DEXI: variants seen among roughly 807,000 people sequenced by gnomAD.
The protein encoded by DEXI is dexamethasone-induced protein.
DEXI carries 2 observed loss-of-function variants against 2.5 expected under a neutral mutation model. The observed-to-expected ratio is 0.81, with a 90% CI of 0.33 to 2.55. The LOEUF (loss-of-function observed/expected upper bound fraction) is 2.55. Among genes scored for constraint, DEXI ranks in the 30% most tolerant of loss-of-function variants. The pLI, the probability that DEXI is intolerant of heterozygous loss-of-function variation, is 0.11. For synonymous variants in DEXI, 71 were observed against 68.7 expected (o/e 1.03, Z -0.17); for missense variants, 108 against 130.3 (o/e 0.83, Z 0.83).
At chr16:10,935,126 C>G (rs539345627) in intron 1 of DEXI, 78 of 152,320 alleles carry the variant, frequency 5.1e-4, no homozygotes, top group African/African-American at 1.7e-3. Context: ...AGAAGGAAAC[C>G]GAGGCTTAGG....
Position 10,941,490 on chromosome 16 carries a change from T to C in DEXI, c.*149+79A>G. The C allele has an allele frequency of 7.6e-7, 1 of 1,317,660 alleles. No individual in the cohort carries two copies. Among genetic ancestry groups the C allele is most frequent in the Non-Finnish European group, 9.8e-7 (1 of 1,017,932 alleles). 81.6% of individuals were successfully genotyped at this position (1,317,660 alleles called of 1,614,324 possible). A position where few individuals can be genotyped will look rare whatever the true frequency, so the allele number is the denominator to read the frequency against. ...GGAGGAGAAGCCTGAGGGAGGGGTG[T>C]GTATCCGGCCTGGGAATTCCTCCCT... is the stretch of plus-strand genomic sequence containing the variant. On this transcript the variant is annotated intron_variant, in intron 1 of 1. Transcript: ENST00000331808. This position sits in a 1 kb window ranked among gnomAD's most constrained non-coding sequence, Gnocchi z 6.4.
intron 1 of DEXI, chr16:10,936,974 G>A (rs1475395577): frequency 6.6e-6 from 1 of 152,214 alleles, no homozygotes; most frequent in Non-Finnish European, 1.5e-5. Context: ...CACTTTCTTA[G>A]TTCGGCAAAA....
rs1183670814 is a variant in DEXI, at chr16:10,940,353, TG to T, written c.*149+1215del. The stretch of plus-strand genomic sequence containing the variant: ...TTAAGTCCCCCAGCCTATGGTGTTC[TG>T]TTATAGCAGACTGAACTAAGACACC... On this transcript the variant is annotated intron_variant, in intron 1 of 1. Coordinates refer to ENST00000331808, the MANE Select transcript of DEXI (RefSeq NM_014015.4). This position sits in a 1 kb window ranked among gnomAD's most constrained non-coding sequence, Gnocchi z 4.2. 1 of 152,262 alleles carries T rather than the reference TG, an allele frequency of 6.6e-6. No homozygotes were observed. The highest frequency in any genetic ancestry group is 1.5e-5 in the Non-Finnish European group (1 of 68,050). The allele number at this position is 152,262 out of a possible 1,614,324, so 9.4% of individuals were successfully genotyped here. A position where few individuals can be genotyped will look rare whatever the true frequency, so the allele number is the denominator to read the frequency against.
chr16:10,934,274 A>T lies in DEXI; in HGVS notation c.*150-4715T>A, dbSNP rs1245036389. The T allele has an allele frequency of 6.6e-6, 1 of 152,204 alleles. No homozygotes were observed. Among genetic ancestry groups the T allele is most frequent in the Non-Finnish European group, 1.5e-5 (1 of 68,050 alleles). 9.4% of individuals were successfully genotyped at this position (152,204 alleles called of 1,614,324 possible). On this transcript the variant is annotated intron_variant, in intron 1 of 1. Coordinates refer to ENST00000331808, the MANE Select transcript of DEXI (RefSeq NM_014015.4). The surrounding 1 kb of genome is among the most constrained non-coding windows in gnomAD (Gnocchi z 4.2). ...AAACCAATGTACTTTTTAAACTCCA[A>T]TTTTTTAATAAGATCATTTATGTCA...
At position 10,941,856 on chromosome 16, in the gene DEXI, G is replaced by C. The variant is rs778893300; in HGVS notation, c.150C>G (p.Ile50Met). ...GGAAGACGAGGCCCACGTTGAGGAC[G>C]ATGTACTCCATGAGGAAGGCGTAGT... Reference protein sequence around the residue: ...ILYYAFLMEYIVLNVGLVFLP... With the variant: ...ILYYAFLMEYMVLNVGLVFLP... Residue 50 changes from isoleucine to methionine, a missense_variant, in exon 1 of 2, where the codon ATC becomes ATG. By Grantham distance (10) the Ile-to-Met change is conservative (BLOSUM62 1). Transcript: ENST00000331808. This position sits in a 1 kb window ranked among gnomAD's most constrained non-coding sequence, Gnocchi z 6.4. The C allele has an allele frequency of 6.2e-7, 1 of 1,612,822 alleles. No homozygotes were observed. The highest frequency in any genetic ancestry group is 8.5e-7 in the Non-Finnish European group (1 of 1,179,818).
rs1379721012 is a variant in DEXI at position 10,939,758 on chromosome 16, A to G, written c.*149+1811T>C. ...AGGCACAGTTTTAAGTGTTGAGGAC[A>G]TGGCAGTGAACACAACAGGGAAGCT... On this transcript the variant is annotated intron_variant, in intron 1 of 1. Transcript: ENST00000331808. The surrounding 1 kb of genome is among the most constrained non-coding windows in gnomAD (Gnocchi z 4.9). 1 of 152,264 alleles carries G rather than the reference A, an allele frequency of 6.6e-6. No individual in the cohort carries two copies. The highest frequency in any genetic ancestry group is 1.5e-5 in the Non-Finnish European group (1 of 68,066). The allele number at this position is 152,264 out of a possible 1,614,324, so 9.4% of individuals were successfully genotyped here.
At chr16:10,933,398 T>G (rs1567463974) in intron 1 of DEXI, 2 of 152,290 alleles carry the variant, frequency 1.3e-5, no homozygotes. Context: ...AATTCTTTCC[T>G]AGAGTTCAGC....
In DEXI at chr16:10,938,689, G is replaced by C. The variant is rs1430911227; in HGVS notation, c.*149+2880C>G. The C allele has an allele frequency of 6.6e-6, 1 of 152,196 alleles. No homozygotes were observed. The highest frequency in any genetic ancestry group is 1.5e-5 in the Non-Finnish European group (1 of 68,046). The allele number at this position is 152,196 out of a possible 1,614,324, so 9.4% of individuals were successfully genotyped here. On this transcript the variant is annotated intron_variant, in intron 1 of 1. Coordinates refer to ENST00000331808, the MANE Select transcript of DEXI (RefSeq NM_014015.4). This position sits in a 1 kb window ranked among gnomAD's most constrained non-coding sequence, Gnocchi z 4.9. ...CGGCACTTGGGGGCAAGGCCTCCTTGGCTTGGATTTGAGGGTGGGGAGGAG... is the reference window on the plus strand; with the variant it reads ...CGGCACTTGGGGGCAAGGCCTCCTTCGCTTGGATTTGAGGGTGGGGAGGAG...
Position 10,937,842 on chromosome 16 carries a change from C to T in DEXI, c.*149+3727G>A, listed in dbSNP as rs1421229114. Reference sequence around the variant, plus strand: ...CACTCTAGGAAAACCACAGAGCCGGCTATCCAGGGTTCTGGTGCCCTGGGG... The same window carrying T: ...CACTCTAGGAAAACCACAGAGCCGGTTATCCAGGGTTCTGGTGCCCTGGGG... On this transcript the variant is annotated intron_variant, in intron 1 of 1. Transcript: ENST00000331808. This position sits in a 1 kb window ranked among gnomAD's most constrained non-coding sequence, Gnocchi z 4.2. 1 of 152,192 alleles carries T rather than the reference C, an allele frequency of 6.6e-6. No individual in the cohort carries two copies. Among genetic ancestry groups the T allele is most frequent in the Non-Finnish European group, 1.5e-5 (1 of 68,036 alleles). The allele number at this position is 152,192 out of a possible 1,614,324, so 9.4% of individuals were successfully genotyped here.
chr16:10,932,963 C>T (rs1399731170), intron 1 of DEXI: 1 of 152,176 alleles, frequency 6.6e-6, no homozygotes. Flanking sequence ...TCAAAGCCGT[C>T]CTGAGCTGTA....
At position 10,938,603 on chromosome 16, in the gene DEXI, T is replaced by A. The variant is rs570936296; in HGVS notation, c.*149+2966A>T. Reference sequence around the variant, plus strand: ...GGCTCGGTCAGATCATCTTGAGGTCTTTCCTGGCGGCTTCCCTGCTGCTAG... The same window carrying A: ...GGCTCGGTCAGATCATCTTGAGGTCATTCCTGGCGGCTTCCCTGCTGCTAG... On this transcript the variant is annotated intron_variant, in intron 1 of 1. Coordinates refer to ENST00000331808, the MANE Select transcript of DEXI (RefSeq NM_014015.4). The surrounding 1 kb of genome is among the most constrained non-coding windows in gnomAD (Gnocchi z 4.9). 5.3e-5 allele frequency: 8 copies of A among 152,322 alleles called. No homozygotes were observed. In the East Asian group the frequency reaches 1.5e-3, roughly 29 times the overall value. The allele number at this position is 152,322 out of a possible 1,614,324, so 9.4% of individuals were successfully genotyped here. A position where few individuals can be genotyped will look rare whatever the true frequency, so the allele number is the denominator to read the frequency against.
At position 10,940,110 on chromosome 16, in the gene DEXI, C is replaced by T. The variant is rs2041081734; in HGVS notation, c.*149+1459G>A. The T allele has an allele frequency of 6.6e-6, 1 of 152,234 alleles. No individual in the cohort carries two copies. Among genetic ancestry groups the T allele is most frequent in the Non-Finnish European group, 1.5e-5 (1 of 68,058 alleles). 9.4% of individuals were successfully genotyped at this position (152,234 alleles called of 1,614,324 possible). On this transcript the variant is annotated intron_variant, in intron 1 of 1. Transcript: ENST00000331808. This position sits in a 1 kb window ranked among gnomAD's most constrained non-coding sequence, Gnocchi z 4.2. ...CTCACTGTGAACCCATTAGGAGAGC[C>T]CTCTGCCGCCAGCTATGCTGTCAGT...
In DEXI at chr16:10,937,102, T is replaced by C. The variant is rs1408300561; in HGVS notation, c.*149+4467A>G. On this transcript the variant is annotated intron_variant, in intron 1 of 1. Coordinates refer to ENST00000331808, the MANE Select transcript of DEXI (RefSeq NM_014015.4). This position sits in a 1 kb window ranked among gnomAD's most constrained non-coding sequence, Gnocchi z 4.2. The stretch of plus-strand genomic sequence containing the variant: ...TGACATCTCACTGTCTTGAGACACA[T>C]ACTGGGGTTTTCTCCTGTCTGAAGA... The C allele has an allele frequency of 6.6e-6, 1 of 152,204 alleles. No homozygotes were observed. Among genetic ancestry groups the C allele is most frequent in the Non-Finnish European group, 1.5e-5 (1 of 68,072 alleles). The allele number at this position is 152,204 out of a possible 1,614,324, so 9.4% of individuals were successfully genotyped here. A position where few individuals can be genotyped will look rare whatever the true frequency, so the allele number is the denominator to read the frequency against.
Position 10,941,451 on chromosome 16 carries a change from T to C in DEXI, c.*149+118A>G, listed in dbSNP as rs1451574940. The stretch of plus-strand genomic sequence containing the variant: ...GCCATTCCTGGCATCCAGTTAGACC[T>C]GGAGGAGGTGAACGGAGGAGAAGCC... On this transcript the variant is annotated intron_variant, in intron 1 of 1. Coordinates refer to ENST00000331808, the MANE Select transcript of DEXI (RefSeq NM_014015.4). The surrounding 1 kb of genome is among the most constrained non-coding windows in gnomAD (Gnocchi z 6.4). 1.9e-6 allele frequency: 2 copies of C among 1,057,206 alleles called. No homozygotes were observed. Among genetic ancestry groups the C allele is most frequent in the Non-Finnish European group, 2.5e-6 (2 of 808,314 alleles). The allele number at this position is 1,057,206 out of a possible 1,614,324, so 65.5% of individuals were successfully genotyped here.
chr16:10,930,890 G>C (rs2040758199), intron 1 of DEXI: 1 of 152,340 alleles, frequency 6.6e-6, no homozygotes, highest in Non-Finnish European at 1.5e-5. Flanking sequence ...CCACCAGCCT[G>C]CTCCTGAGAC....
chr16:10,935,430 G>T (rs1347362131), intron 1 of DEXI: 1 of 152,166 alleles, frequency 6.6e-6, no homozygotes, highest in Non-Finnish European at 1.5e-5. Flanking sequence ...TTTGGTATTT[G>T]GCCAAAAGTT....
At chr16:10,930,883 C>G (rs1414656903) in intron 1 of DEXI, 3 of 152,312 alleles carry the variant, frequency 2.0e-5, no homozygotes, top group Non-Finnish European at 4.4e-5. Flanking sequence ...CTGCCCTCCA[C>G]CAGCCTGCTC....
In DEXI at chr16:10,939,893, G is replaced by A. The variant is rs371489530; in HGVS notation, c.*149+1676C>T. 1 of 152,268 alleles carries A rather than the reference G, an allele frequency of 6.6e-6. No homozygotes were observed. The highest frequency in any genetic ancestry group is 2.4e-5 in the African/African-American group (1 of 41,444). The allele number at this position is 152,268 out of a possible 1,614,324, so 9.4% of individuals were successfully genotyped here. A position where few individuals can be genotyped will look rare whatever the true frequency, so the allele number is the denominator to read the frequency against. ...AAAGGGCCAAGGCTTGGTCTGTCTTGTTCACTGTGTTCAATCACCAGGCAC... is the reference window on the plus strand; with the variant it reads ...AAAGGGCCAAGGCTTGGTCTGTCTTATTCACTGTGTTCAATCACCAGGCAC... On this transcript the variant is annotated intron_variant, in intron 1 of 1. Transcript: ENST00000331808. This position sits in a 1 kb window ranked among gnomAD's most constrained non-coding sequence, Gnocchi z 4.9.
At position 10,938,283 on chromosome 16, in the gene DEXI, T is replaced by C. The variant is rs995905167; in HGVS notation, c.*149+3286A>G. 6.6e-6 allele frequency: 1 copy of C among 151,710 alleles called. No homozygotes were observed. Among genetic ancestry groups the C allele is most frequent in the Non-Finnish European group, 1.5e-5 (1 of 67,964 alleles). The allele number at this position is 151,710 out of a possible 1,614,324, so 9.4% of individuals were successfully genotyped here. The stretch of plus-strand genomic sequence containing the variant: ...TGGGATGTGAACCCAGGGCCCTGGC[T>C]CTTAACCATGACCCTAATACTGCCT... On this transcript the variant is annotated intron_variant, in intron 1 of 1. Transcript: ENST00000331808. This position sits in a 1 kb window ranked among gnomAD's most constrained non-coding sequence, Gnocchi z 4.9.
Sources: gnomAD v4.1 joint callset for allele counts on GRCh38, gnomAD v4.1.1 for gene constraint, Gnocchi (gnomAD v3.1) non-coding constraint, MANE v1.5 for transcripts, NCBI Gene and HGNC (gene_info 2026-07-23, HGNC 2026-07-21) for gene names.